The following TTC28 variants were observed in gnomAD, a reference collection of about 807,000 sequenced individuals.
TTC28 encodes the protein tetratricopeptide repeat protein 28.
TTC28 carries 61 observed loss-of-function variants against 198.0 expected under a neutral mutation model. The observed-to-expected ratio is 0.31, with a 90% confidence interval of 0.25 to 0.38. The LOEUF is 0.38. TTC28 is among the 10% of genes least tolerant of loss of function. The pLI is 1.00. For synonymous variants in TTC28, 1,171 were observed against 1,297.8 expected (o/e 0.90, Z 2.10); for missense variants, 2,678 against 3,164.0 (o/e 0.85, Z 3.69).
chr22:28,553,546 C>T (rs1160231618), intron 2 of TTC28, among the ~76,000 whole-genome samples: 2 of 151,790 alleles, frequency 1.3e-5, no homozygotes, highest in East Asian at 2.0e-4. Flanking sequence ...GACCCTCTGC[C>T]TGGCAGCCAC....
At chr22:28,568,564 A>C (rs1023656354) in intron 2 of TTC28, among the ~76,000 whole-genome samples, 2 of 152,208 alleles carry the variant, frequency 1.3e-5, no homozygotes, top group Non-Finnish European at 2.9e-5. Context: ...CTATACACTA[A>C]TAATGTCCTA....
intron 7 of TTC28, 40 bp from the exon 8 acceptor site, chr22:28,105,842 T>G (rs958704111): frequency 6.6e-7 from 1 of 1,510,326 alleles, no homozygotes; most frequent in Non-Finnish European, 8.8e-7. Flanking sequence ...TATTATTTCA[T>G]GCAGGTGCAG....
chr22:28,670,209 T>G (rs577334864), intron 1 of TTC28, among the ~76,000 whole-genome samples: 27 of 152,094 alleles, frequency 1.8e-4, no homozygotes, highest in Non-Finnish European at 3.5e-4. Context: ...TCACATATCG[T>G]AAAACTTACC....
chr22:28,095,127 CTG>C (rs1214697823), intron 11 of TTC28, among the ~76,000 whole-genome samples: 1 of 152,114 alleles, frequency 6.6e-6, no homozygotes, highest in African/African-American at 2.4e-5. Context: ...CAGTACCACT[CTG>C]GGAGCTGGGA....
At chr22:28,444,164 A>G (rs1471937789) in intron 2 of TTC28, among the ~76,000 whole-genome samples, 1 of 152,206 alleles carries the variant, frequency 6.6e-6, no homozygotes, top group African/African-American at 2.4e-5. Flanking sequence ...TCTACTATTT[A>G]TCATCCAACA....
intron 2 of TTC28, among the ~76,000 whole-genome samples, chr22:28,491,532 A>C (rs530020209): frequency 3.3e-5 from 5 of 152,168 alleles, no homozygotes; most frequent in African/African-American, 1.2e-4. Context: ...CTGGCCATCA[A>C]AGAAATGCAA....
In TTC28 at chr22:28,015,075, A is replaced by C. The variant is rs562481327; in HGVS notation, c.4074-683T>G. On this transcript the variant is annotated intron_variant, in intron 13 of 22. Coordinates refer to ENST00000397906, the MANE Select transcript of TTC28 (RefSeq NM_001145418.2). ...TTCAACCCCAAGGACCCCAAGCTTC[A>C]TACTTCCAACATGGGATGAGAGCAT... is the stretch of plus-strand genomic sequence containing the variant. Among the ~76,000 whole-genome samples the C allele has an allele frequency of 2.0e-5, 3 of 152,384 alleles. No individual in the cohort carries two copies. In the East Asian group the frequency reaches 5.8e-4, roughly 29 times the overall value.
chr22:28,185,715 T>C (rs1333470875), intron 5 of TTC28, among the ~76,000 whole-genome samples: 2 of 152,176 alleles, frequency 1.3e-5, no homozygotes, highest in African/African-American at 4.8e-5. Context: ...TAAAAAAAAG[T>C]ATATCTGAGA....
intron 18 of TTC28, chr22:27,992,955 G>A: frequency 1.8e-6 from 1 of 558,158 alleles, no homozygotes; most frequent in South Asian, 2.3e-5. Flanking sequence ...TCACCCTGGG[G>A]TTGGCCGCAC....
At chr22:28,436,416 T>A (rs2047520756) in intron 2 of TTC28, among the ~76,000 whole-genome samples, 1 of 152,156 alleles carries the variant, frequency 6.6e-6, no homozygotes, top group Non-Finnish European at 1.5e-5. Context: ...TATAAAAATA[T>A]AGTCAAAGGA....
chr22:28,088,244 G>A (rs1206831368), intron 12 of TTC28, among the ~76,000 whole-genome samples: 2 of 152,048 alleles, frequency 1.3e-5, no homozygotes, highest in East Asian at 1.9e-4. Context: ...GAGGCATCAC[G>A]CTACCTGACT....
In TTC28 at chr22:27,982,319, G is replaced by A; in HGVS notation, c.7348C>T (p.Pro2450Ser). 1 of 1,526,552 alleles carries A rather than the reference G, an allele frequency of 6.6e-7. No homozygotes were observed. The highest frequency in any genetic ancestry group is 2.1e-5 in the Admixed American group (1 of 48,678). 94.6% of individuals were successfully genotyped at this position (1,526,552 alleles called of 1,614,324 possible). A position where few individuals can be genotyped will look rare whatever the true frequency, so the allele number is the denominator to read the frequency against. ...SLGSLPLPAG[P>S]PATAPARPLR... Reference sequence around the variant, plus strand: ...GGGCGCGCGGGGGCTGTGGCGGGAGGGCCGGCGGGCAGCGGCAGTGAGCCC... The same window carrying A: ...GGGCGCGCGGGGGCTGTGGCGGGAGAGCCGGCGGGCAGCGGCAGTGAGCCC... Residue 2450 changes from proline (P) to serine (S), a missense_variant, in exon 23 of 23, where the codon CCT (proline) becomes TCT (serine). Pro to Ser is a moderately conservative substitution (Grantham distance 74). Transcript: ENST00000397906. The surrounding 1 kb of genome is among the most constrained non-coding windows in gnomAD (Gnocchi z 5.2).
chr22:28,170,282 T>G (rs868564123), intron 5 of TTC28, among the ~76,000 whole-genome samples: 1 of 149,594 alleles, frequency 6.7e-6, no homozygotes, highest in South Asian at 2.1e-4. Flanking sequence ...GGTCAGGAGG[T>G]CGAGACCATC....
rs1942375303 is a variant in TTC28 at position 28,108,097 on chromosome 22, A to T, written c.1748T>A (p.Ile583Asn). ...CTGGATGTCTCGTAGCTCCCGGGCGATGTTCAAGTGGTTCTGATAGTGTTG... is the reference window on the plus strand; with the variant it reads ...CTGGATGTCTCGTAGCTCCCGGGCGTTGTTCAAGTGGTTCTGATAGTGTTG... ...ALQHYQNHLN[I>N]ARELRDIQSE... Residue 583 changes from isoleucine to asparagine, a missense_variant, in exon 7 of 23, where the codon ATC (isoleucine) becomes AAC (asparagine). By Grantham distance (149) the Ile-to-Asn change is moderately radical. Around this residue, in one of 8 missense-constraint regions of TTC28, gnomAD observed 775 missense variants for 845.9 expected, o/e 0.92. Transcript: ENST00000397906. The T allele has an allele frequency of 6.4e-7, 1 of 1,551,448 alleles. No homozygotes were observed. Among genetic ancestry groups the T allele is most frequent in the African/African-American group, 1.4e-5 (1 of 73,002 alleles).
chr22:28,366,721 TAG>T (rs2046253265), intron 2 of TTC28, among the ~76,000 whole-genome samples: 1 of 151,866 alleles, frequency 6.6e-6, no homozygotes, highest in Non-Finnish European at 1.5e-5. Context: ...AAGATACACA[TAG>T]ACTGAAAATA....
chr22:27,985,219 T>C (rs1183313776), intron 22 of TTC28, 30 bp downstream of exon 22: 1 of 1,503,794 alleles, frequency 6.6e-7, no homozygotes, highest in Admixed American at 2.0e-5. Flanking sequence ...CAGGCCCTGG[T>C]GGAGAACTGG....
At chr22:28,141,918 T>C (rs1008761179) in intron 6 of TTC28, among the ~76,000 whole-genome samples, 2 of 152,196 alleles carry the variant, frequency 1.3e-5, no homozygotes, top group Admixed American at 6.5e-5. Context: ...AAAGAGTCTC[T>C]TCAGTACTTC....
chr22:28,090,190 T>C (rs1941770440), intron 12 of TTC28, among the ~76,000 whole-genome samples: 1 of 151,302 alleles, frequency 6.6e-6, no homozygotes, highest in African/African-American at 2.4e-5. Context: ...AAGAATAAAA[T>C]AACAAGCATC....
chr22:28,161,749 AGGAC>A (rs751451339), intron 6 of TTC28, among the ~76,000 whole-genome samples: 4 of 140,002 alleles, frequency 2.9e-5, no homozygotes, highest in Non-Finnish European at 4.7e-5. Context: ...AGGACAGGAC[AGGAC>A]AGGAAAGGAA....
Sources: allele counts gnomAD v4.1 joint callset (sites outside exome capture counted in the v4.1 genomes callset), GRCh38; gene constraint gnomAD v4.1.1; regional missense constraint gnomAD v4.1.1; non-coding constraint Gnocchi (gnomAD v3.1); transcripts MANE v1.5; gene names NCBI Gene and HGNC (gene_info 2026-07-23, HGNC 2026-07-21).